DERL1: variants seen among roughly 807,000 people sequenced by gnomAD.
DERL1 encodes derlin 1, also known as derlin-1.
DERL1 carries 24 observed loss-of-function variants against 41.6 expected under a neutral mutation model. The observed-to-expected ratio is 0.58, with a 90% CI of 0.42 to 0.81. The LOEUF is 0.81. Ranked by LOEUF, DERL1 falls within the 30% of genes least tolerant of loss-of-function variation. The pLI, the probability that DERL1 is intolerant of heterozygous loss-of-function variation, is 0.00. For synonymous variants in DERL1, 124 were observed against 112.5 expected (o/e 1.10, Z -0.65); for missense variants, 260 against 314.3 (o/e 0.83, Z 1.31).
At chr8:123,018,676 A>G (rs1453067664) in intron 7 of DERL1, 1 of 152,858 alleles carries the variant, frequency 6.5e-6, no homozygotes, top group Non-Finnish European at 1.5e-5. Flanking sequence ...AAGAGCACAA[A>G]CTCCCAGGGG....
chr8:123,037,557 T>C (rs766538494), intron 1 of DERL1, among the ~76,000 whole-genome samples: 1 of 152,224 alleles, frequency 6.6e-6, no homozygotes, highest in African/African-American at 2.4e-5. Flanking sequence ...ATGATTCAAC[T>C]ACTTGAAATC....
At chr8:123,032,264 A>T (rs745407043) in intron 1 of DERL1, among the ~76,000 whole-genome samples, 46 of 151,568 alleles carry the variant, frequency 3.0e-4, no homozygotes, top group Non-Finnish European at 5.2e-4. Flanking sequence ...CCTCCCAAGT[A>T]GCTGGGACTA....
At chr8:123,034,800 C>G (rs1462138898) in intron 1 of DERL1, among the ~76,000 whole-genome samples, 1 of 152,190 alleles carries the variant, frequency 6.6e-6, no homozygotes, top group African/African-American at 2.4e-5. Context: ...GAGTAAAGAC[C>G]AGAAGCAAAC....
Position 123,022,690 on chromosome 8 carries a change from T to A in DERL1, c.447A>T (p.Arg149=), listed in dbSNP as rs1442328054. 1.9e-6 allele frequency: 3 copies of A among 1,614,068 alleles called. No homozygotes were observed. The highest frequency in any genetic ancestry group is 2.5e-6 in the Non-Finnish European group (3 of 1,179,948). The change falls in exon 5 of 8, where the codon CGA becomes CGT. Residue 149 remains arginine, a synonymous_variant. Coordinates refer to ENST00000259512, the MANE Select transcript of DERL1 (RefSeq NM_024295.6). ...DMIVSFWFGT[R]FKACYLPWVI... ...TCCAACCAAGGCAAAGTACCTTAAATCGTGTTCCAAACCAAAATGATACAA... is the reference window on the plus strand; with the variant it reads ...TCCAACCAAGGCAAAGTACCTTAAAACGTGTTCCAAACCAAAATGATACAA...
chr8:123,030,147 G>C (rs964147685), intron 2 of DERL1: 1 of 153,224 alleles, frequency 6.5e-6, no homozygotes, highest in Admixed American at 6.5e-5. Context: ...GCTATATACT[G>C]TATTTTAGAG....
At chr8:123,034,477 AAATT>A (rs1376010811) in intron 1 of DERL1, among the ~76,000 whole-genome samples, 1 of 152,176 alleles carries the variant, frequency 6.6e-6, no homozygotes, top group African/African-American at 2.4e-5. Context: ...AGAAATCAAT[AAATT>A]AATGTGCTAC....
Position 123,026,579 on chromosome 8 carries a change from C to G in DERL1, c.266-1529G>C, listed in dbSNP as rs761497132. On this transcript the variant is annotated intron_variant, in intron 2 of 7. Transcript: ENST00000259512. Reference sequence around the variant, plus strand: ...TGTTAACTTAAAGCTGTGTGGTTGACAGAAAACTGGGGATCAGTGAACCTG... The same window carrying G: ...TGTTAACTTAAAGCTGTGTGGTTGAGAGAAAACTGGGGATCAGTGAACCTG... 6.8e-4 allele frequency among the ~76,000 whole-genome samples: 103 copies of G among 152,196 alleles called. 1 individual carries two copies. The highest frequency in any genetic ancestry group is 5.9e-4 in the Admixed American group (9 of 15,278).
At chr8:123,017,843 G>C (rs1343039003) in intron 7 of DERL1, 1 of 152,142 alleles carries the variant, frequency 6.6e-6, no homozygotes. Context: ...ACCTAGATCA[G>C]AAAGCCAAAC....
At chr8:123,029,295 T>G (rs1007513983) in intron 2 of DERL1, among the ~76,000 whole-genome samples, 6 of 152,222 alleles carry the variant, frequency 3.9e-5, no homozygotes, top group African/African-American at 1.4e-4. Context: ...CTATTCATCT[T>G]TTGGTAAAAC....
intron 2 of DERL1, among the ~76,000 whole-genome samples, chr8:123,028,266 T>C (rs1812747300): frequency 1.3e-5 from 2 of 152,088 alleles, no homozygotes; most frequent in African/African-American, 2.4e-5. Context: ...ATGAGATAAC[T>C]ATTAGAGGTG....
intron 2 of DERL1, among the ~76,000 whole-genome samples, chr8:123,027,883 G>A (rs963663466): frequency 1.3e-5 from 2 of 152,016 alleles, no homozygotes; most frequent in African/African-American, 2.4e-5. Context: ...CCAACATGGC[G>A]AAATGCCATC....
intron 4 of DERL1, 143 bp downstream of exon 4, chr8:123,023,570 A>C: frequency 1.3e-6 from 1 of 742,998 alleles, no homozygotes; most frequent in Non-Finnish European, 2.1e-6. Context: ...TAAATAAATA[A>C]ATAAAACAGC....
chr8:123,040,254 A>G lies in DERL1; in HGVS notation c.153+1716T>C, dbSNP rs371935033. 5.3e-5 allele frequency among the ~76,000 whole-genome samples: 8 copies of G among 152,250 alleles called. No individual in the cohort carries two copies. The East Asian group carries it at 1.2e-3, about 22-fold the overall frequency. ...AAGAAAGAAAGAAAAATGAAGGATA[A>G]GGGATAAGGGAGTGGAGTGAAGGAC... On this transcript the variant is annotated intron_variant, in intron 1 of 7. Transcript: ENST00000259512.
chr8:123,016,822 G>A (rs970703704), intron 7 of DERL1: 3 of 152,124 alleles, frequency 2.0e-5, no homozygotes, highest in African/African-American at 7.3e-5. Flanking sequence ...TCCCAAAACA[G>A]ACAACAACTC....
intron 1 of DERL1, among the ~76,000 whole-genome samples, chr8:123,034,054 A>T (rs1380563104): frequency 6.6e-6 from 1 of 152,182 alleles, no homozygotes; most frequent in African/African-American, 2.4e-5. Flanking sequence ...GGCACAAGGG[A>T]GGGGACATGT....
At chr8:123,032,723 C>G (rs80221987) in intron 1 of DERL1, among the ~76,000 whole-genome samples, 1 of 152,168 alleles carries the variant, frequency 6.6e-6, no homozygotes, top group Non-Finnish European at 1.5e-5. Context: ...CAGAGTAACC[C>G]ACATTTTTTC....
chr8:123,035,476 C>T (rs967722192), intron 1 of DERL1, among the ~76,000 whole-genome samples: 6 of 152,122 alleles, frequency 3.9e-5, no homozygotes, highest in African/African-American at 1.4e-4. Flanking sequence ...GTGAAGAGGC[C>T]CATTTTCAAC....
At chr8:123,031,045 A>G (rs1175112350) in intron 1 of DERL1, among the ~76,000 whole-genome samples, 1 of 152,240 alleles carries the variant, frequency 6.6e-6, no homozygotes, top group Non-Finnish European at 1.5e-5. Flanking sequence ...ATGAATTACA[A>G]AGGCTTAATT....
chr8:123,027,987 A>G (rs974584084), intron 2 of DERL1, among the ~76,000 whole-genome samples: 3 of 151,180 alleles, frequency 2.0e-5, no homozygotes, highest in Admixed American at 6.6e-5. Flanking sequence ...ACTTGAACCC[A>G]GGAGGCAGAG....
Sources: allele counts gnomAD v4.1 joint callset (sites outside exome capture counted in the v4.1 genomes callset), GRCh38; gene constraint gnomAD v4.1.1; transcripts MANE v1.5; gene names NCBI Gene and HGNC (gene_info 2026-07-23, HGNC 2026-07-21).